GRIK3: variants seen among roughly 807,000 people sequenced by gnomAD.
GRIK3 encodes the protein glutamate receptor ionotropic, kainate 3.
Under a neutral mutation model 102.5 loss-of-function variants are expected in GRIK3, and 29 were observed. That is an observed-to-expected ratio of 0.28 (90% CI 0.21 to 0.39). GRIK3 has a LOEUF of 0.39. GRIK3 is among the 10% of genes least tolerant of loss of function. The probability of loss-of-function intolerance (pLI) is 1.00; values close to 1 mark genes in which losing one functional copy is unlikely to be tolerated. For missense variants in GRIK3, 908 were observed against 1,252.4 expected (o/e 0.73, Z 4.15); for synonymous variants, 511 against 504.9 (o/e 1.01, Z -0.16).
At chr1:36,916,909 G>A (rs1013733710) in intron 1 of GRIK3, among the ~76,000 whole-genome samples, 12 of 152,292 alleles carry the variant, frequency 7.9e-5, no homozygotes, top group African/African-American at 2.6e-4. Context: ...TATGAGAAGA[G>A]GGCCACCATT....
rs929415129 is a variant in GRIK3, at chr1:37,034,222, G to A, written c.-114C>T. On this transcript the variant is annotated 5_prime_UTR_variant, in exon 1 of 16. Transcript: ENST00000373091. ...AGGCGCCGCCTGGCCCAGCCGCCCG[G>A]CTCCCGAGCGCCGCTGCAAGTGGGG... The A allele has an allele frequency of 6.3e-5, 12 of 191,410 alleles. No individual in the cohort carries two copies. Among genetic ancestry groups the A allele is most frequent in the Admixed American group, 5.7e-4 (9 of 15,862 alleles). 11.9% of individuals were successfully genotyped at this position (191,410 alleles called of 1,614,324 possible). A position where few individuals can be genotyped will look rare whatever the true frequency, so the allele number is the denominator to read the frequency against.
At chr1:36,868,053 G>A (rs549627722) in intron 5 of GRIK3, among the ~76,000 whole-genome samples, 1 of 152,252 alleles carries the variant, frequency 6.6e-6, no homozygotes, top group East Asian at 1.9e-4. Flanking sequence ...AAGATCGAAG[G>A]TCTTAAAGAG....
intron 1 of GRIK3, among the ~76,000 whole-genome samples, chr1:36,900,657 G>A (rs1052766791): frequency 6.6e-6 from 1 of 151,836 alleles, no homozygotes; most frequent in Non-Finnish European, 1.5e-5. Context: ...AAAAAGAAGA[G>A]CAAATTAAAT....
rs573701493 is a variant in GRIK3, at chr1:36,963,474, G to A, written c.115+70520C>T. 4.6e-5 allele frequency among the ~76,000 whole-genome samples: 7 copies of A among 152,230 alleles called. 1 individual carries two copies. Among genetic ancestry groups the A allele is most frequent in the South Asian group, 4.1e-4 (2 of 4,824 alleles). On this transcript the variant is annotated intron_variant, in intron 1 of 15. Transcript: ENST00000373091. ...GAGAGGAACGCCTTCTGTGTGGCAC[G>A]CACTTGCTGAGCTCCTTCCATGCAT... is the stretch of plus-strand genomic sequence containing the variant.
intron 5 of GRIK3, among the ~76,000 whole-genome samples, chr1:36,868,184 A>G (rs1338670805): frequency 1.3e-5 from 2 of 152,066 alleles, no homozygotes; most frequent in Non-Finnish European, 2.9e-5. Context: ...GCCCCACCCC[A>G]CCTTCCCAGT....
chr1:36,950,054 A>AACTAGCTTC lies in GRIK3; in HGVS notation c.116-58959_116-58958insGAAGCTAGT, dbSNP rs1443475563. 2.0e-5 allele frequency among the ~76,000 whole-genome samples: 3 copies of AACTAGCTTC among 152,130 alleles called. No homozygotes were observed. The East Asian group carries it at 5.8e-4, about 29-fold the overall frequency. ...GGCCATCATACTGGAGTTGCTCTAA[A>AACTAGCTTC]AGTGTGCCAGATCTAGCTTCAGGGT... On this transcript the variant is annotated intron_variant, in intron 1 of 15. Transcript: ENST00000373091.
At position 37,034,300 on chromosome 1, in the gene GRIK3, C is replaced by T. The variant is rs1013429469; in HGVS notation, c.-192G>A. ...ACTGGGGGGCCGCCCCGCCGGCGCC[C>T]GCCCCGCCTGGCTGCCGCCCACGGG... On this transcript the variant is annotated 5_prime_UTR_variant, in exon 1 of 16. Coordinates refer to ENST00000373091, the MANE Select transcript of GRIK3 (RefSeq NM_000831.4). Among the ~76,000 whole-genome samples, 8 of 147,902 alleles carry T rather than the reference C, an allele frequency of 5.4e-5. No individual in the cohort carries two copies. The highest frequency in any genetic ancestry group is 1.1e-4 in the Non-Finnish European group (7 of 66,458).
chr1:36,819,860 A>G lies in GRIK3; in HGVS notation c.1755-6T>C. 6.8e-7 allele frequency: 1 copy of G among 1,459,994 alleles called. No individual in the cohort carries two copies. Among genetic ancestry groups the G allele is most frequent in the Non-Finnish European group, 9.5e-7 (1 of 1,050,374 alleles). 90.4% of individuals were successfully genotyped at this position (1,459,994 alleles called of 1,614,324 possible). A position where few individuals can be genotyped will look rare whatever the true frequency, so the allele number is the denominator to read the frequency against. ...ACCACTCATAAGGGCTGAACCTGCC[A>G]CAGGAGGAGAGGGACAGTCAGCCTG... On this transcript the variant is annotated splice_polypyrimidine_tract_variant and splice_region_variant and intron_variant, in intron 11 of 15. Coordinates refer to ENST00000373091, the MANE Select transcript of GRIK3 (RefSeq NM_000831.4). The surrounding 1 kb of genome is among the most constrained non-coding windows in gnomAD (Gnocchi z 4.1).
chr1:36,924,747 C>G (rs1195473636), intron 1 of GRIK3, among the ~76,000 whole-genome samples: 2 of 152,228 alleles, frequency 1.3e-5, no homozygotes, highest in Non-Finnish European at 2.9e-5. Flanking sequence ...GCTCTGCCAA[C>G]TGTGCTCCCC....
intron 1 of GRIK3, among the ~76,000 whole-genome samples, chr1:37,003,854 G>A (rs1315482960): frequency 6.6e-6 from 1 of 151,994 alleles, no homozygotes; most frequent in Non-Finnish European, 1.5e-5. Context: ...CACCTCCTGT[G>A]CCCCCCTCGT....
intron 1 of GRIK3, among the ~76,000 whole-genome samples, chr1:36,905,784 G>GA (rs1210837706): frequency 1.3e-5 from 2 of 151,908 alleles, no homozygotes; most frequent in Non-Finnish European, 2.9e-5. Flanking sequence ...TTCAAAATGT[G>GA]AAAACAAACA....
chr1:36,890,231 G>A (rs994983208), intron 2 of GRIK3, among the ~76,000 whole-genome samples: 1 of 152,180 alleles, frequency 6.6e-6, no homozygotes, highest in Admixed American at 6.5e-5. Flanking sequence ...GGGAGGCTGA[G>A]GTGGGTAGAT....
At chr1:36,805,550 C>T (rs1030768268) in intron 14 of GRIK3, among the ~76,000 whole-genome samples, 15 of 152,278 alleles carry the variant, frequency 9.9e-5, no homozygotes, top group Admixed American at 5.9e-4. Flanking sequence ...GGGAACTGTC[C>T]CCAAACCTCG....
intron 9 of GRIK3, among the ~76,000 whole-genome samples, chr1:36,846,871 A>C (rs528717530): frequency 6.6e-6 from 1 of 152,330 alleles, no homozygotes; most frequent in Non-Finnish European, 1.5e-5. Flanking sequence ...GGAGACTCCA[A>C]GGACACTTCT....
chr1:36,850,012 T>C lies in GRIK3; in HGVS notation c.1326+299A>G, dbSNP rs1640563273. The C allele has an allele frequency of 6.5e-6, 2 of 307,510 alleles. No individual in the cohort carries two copies. The highest frequency in any genetic ancestry group is 2.2e-5 in the African/African-American group (1 of 46,196). 19.0% of individuals were successfully genotyped at this position (307,510 alleles called of 1,614,324 possible). ...TGGGAGAGGCGAATCCTCACTCAGG[T>C]TGCAATGGGCTGTCAAACCCCCTTA... On this transcript the variant is annotated intron_variant, in intron 9 of 15. Transcript: ENST00000373091. This position sits in a 1 kb window ranked among gnomAD's most constrained non-coding sequence, Gnocchi z 4.0.
intron 1 of GRIK3, among the ~76,000 whole-genome samples, chr1:37,009,986 A>T (rs541829266): frequency 6.6e-6 from 1 of 152,298 alleles, no homozygotes; most frequent in Non-Finnish European, 1.5e-5. Context: ...CTCGGCACCA[A>T]CACAGACACC....
intron 1 of GRIK3, among the ~76,000 whole-genome samples, chr1:37,010,727 C>CTTT (rs60750637): frequency 1.1e-3 from 111 of 102,520 alleles, no homozygotes; most frequent in East Asian, 2.2e-3. Context: ...ACCTGTACCA[C>CTTT]TTTTTTTTTT....
rs984099481 is a variant in GRIK3, at chr1:36,880,520, G to A, written c.550+114C>T. On this transcript the variant is annotated intron_variant, in intron 3 of 15. Transcript: ENST00000373091. This position sits in a 1 kb window ranked among gnomAD's most constrained non-coding sequence, Gnocchi z 5.4. ...CATAACCGAGTGGAACTGGGGTATGGAACACAGCCTCTTCCCCCAGGGCAG... is the reference window on the plus strand; with the variant it reads ...CATAACCGAGTGGAACTGGGGTATGAAACACAGCCTCTTCCCCCAGGGCAG... 140 of 1,067,128 alleles carry A rather than the reference G, an allele frequency of 1.3e-4. No individual in the cohort carries two copies. Among genetic ancestry groups the A allele is most frequent in the Middle Eastern group, 2.8e-4 (1 of 3,530 alleles). 66.1% of individuals were successfully genotyped at this position (1,067,128 alleles called of 1,614,324 possible).
intron 1 of GRIK3, among the ~76,000 whole-genome samples, chr1:36,935,494 A>G (rs997441853): frequency 2.0e-5 from 3 of 151,962 alleles, no homozygotes; most frequent in African/African-American, 4.8e-5. Context: ...CTGGGGTCCT[A>G]TGACCGCTCT....
Sources: allele counts gnomAD v4.1 joint callset (sites outside exome capture counted in the v4.1 genomes callset), GRCh38; gene constraint gnomAD v4.1.1; non-coding constraint Gnocchi (gnomAD v3.1); transcripts MANE v1.5; gene names NCBI Gene and HGNC (gene_info 2026-07-23, HGNC 2026-07-21).